The following B4GALT6 variants were observed in gnomAD, a reference collection of about 807,000 sequenced individuals.
B4GALT6 encodes the protein UDP-Gal:beta-GlcNAc beta-1,4-galactosyltransferase 6.
In B4GALT6, 14 loss-of-function variants were observed where a neutral mutation model predicts 46.3. That is an observed-to-expected ratio of 0.30 (90% CI 0.20 to 0.47). The LOEUF (loss-of-function observed/expected upper bound fraction) is 0.47, where lower values mean the gene tolerates loss of function less well. Among genes scored for constraint, B4GALT6 ranks in the 20% least tolerant of loss-of-function variants. B4GALT6 has a pLI of 0.99. For missense variants in B4GALT6, 386 were observed against 480.1 expected (o/e 0.80, Z 1.83); for synonymous variants, 168 against 162.0 (o/e 1.04, Z -0.28).
chr18:31,637,259 C>T (rs572590936), intron 5 of B4GALT6, among the ~76,000 whole-genome samples: 23 of 99,228 alleles, frequency 2.3e-4, no homozygotes, highest in African/African-American at 1.7e-3. Context: ...AGAAACAAAA[C>T]GAATAAGCTT....
At chr18:31,689,327 G>A (rs1472332793), upstream of B4GALT6, among the ~76,000 whole-genome samples, 1 of 152,138 alleles carries the variant, frequency 6.6e-6, no homozygotes, top group Admixed American at 6.6e-5. Context: ...AAACTATGGG[G>A]GTGGAAGGTG....
chr18:31,720,793 C>T, the B4GALT6 span, among the ~76,000 whole-genome samples: 2 of 152,204 alleles, frequency 1.3e-5, no homozygotes, highest in Admixed American at 6.5e-5. Context: ...AGCTAAATAA[C>T]AAACAGAAAG....
At chr18:31,685,307 G>A (rs1423427297), upstream of B4GALT6, among the ~76,000 whole-genome samples, 1 of 150,194 alleles carries the variant, frequency 6.7e-6, no homozygotes, top group Non-Finnish European at 1.5e-5. Context: ...CGCGCTGCGG[G>A]CAGAGCCGGG....
At chr18:31,709,553 A>ATGTGTG in the B4GALT6 span, among the ~76,000 whole-genome samples, 417 of 126,784 alleles carry the variant, frequency 3.3e-3, 2 homozygotes, top group African/African-American at 6.9e-3. Context: ...TAGGATATAT[A>ATGTGTG]TGTGTGTGTG....
chr18:31,672,564 G>A (rs180732358), intron 1 of B4GALT6, among the ~76,000 whole-genome samples: 43 of 152,210 alleles, frequency 2.8e-4, no homozygotes, highest in Admixed American at 2.8e-3. Flanking sequence ...AAGAGGGAGA[G>A]GTAAACCACG....
chr18:31,706,136 C>T, the B4GALT6 span, among the ~76,000 whole-genome samples: 1 of 151,848 alleles, frequency 6.6e-6, no homozygotes, highest in South Asian at 2.1e-4. Context: ...ATCCCTCCAA[C>T]ATTATAAGAA....
chr18:31,635,899 A>G (rs1439053775), intron 5 of B4GALT6, among the ~76,000 whole-genome samples: 1 of 152,224 alleles, frequency 6.6e-6, no homozygotes, highest in Non-Finnish European at 1.5e-5. Flanking sequence ...AACTTTGTCT[A>G]TCATTTATAC....
chr18:31,724,191 G>T, the B4GALT6 span: 2 of 258,500 alleles, frequency 7.7e-6, no homozygotes, highest in South Asian at 4.4e-5. Flanking sequence ...TGGGGCGCGC[G>T]GTTGCCAGGG....
intron 2 of B4GALT6, among the ~76,000 whole-genome samples, chr18:31,662,477 TATAA>T (rs1333414352): frequency 1.3e-5 from 2 of 152,236 alleles, no homozygotes; most frequent in African/African-American, 2.4e-5. Context: ...AGGAACATAC[TATAA>T]ATAAACACCT....
At chr18:31,649,280 T>C (rs1249238745) in intron 3 of B4GALT6, among the ~76,000 whole-genome samples, 10 of 151,528 alleles carry the variant, frequency 6.6e-5, no homozygotes, top group African/African-American at 2.4e-4. Context: ...TCAAGTTTTC[T>C]TGAAGCAACC....
the B4GALT6 span, among the ~76,000 whole-genome samples, chr18:31,694,693 G>T: frequency 6.6e-6 from 1 of 152,172 alleles, no homozygotes; most frequent in Non-Finnish European, 1.5e-5. Context: ...GATATAAGTT[G>T]TCTTAAAATA....
chr18:31,677,095 T>C (rs2074423088), intron 1 of B4GALT6, among the ~76,000 whole-genome samples: 1 of 152,136 alleles, frequency 6.6e-6, no homozygotes, highest in South Asian at 2.1e-4. Context: ...AACAATTTGG[T>C]GAAGCCAAAG....
At chr18:31,667,920 C>A (rs561885870) in intron 1 of B4GALT6, among the ~76,000 whole-genome samples, 1 of 151,864 alleles carries the variant, frequency 6.6e-6, no homozygotes, top group East Asian at 1.9e-4. Flanking sequence ...CATGGTGAAA[C>A]CCCATCTCTA....
Position 31,653,040 on chromosome 18 carries a change from A to C in B4GALT6, c.346+4936T>G, listed in dbSNP as rs527938676. Among the ~76,000 whole-genome samples, 11 of 146,820 alleles carry C rather than the reference A, an allele frequency of 7.5e-5. No homozygotes were observed. In the South Asian group the frequency reaches 2.2e-3, roughly 29 times the overall value. ...TTTTGCTTTTTTTTTTTTTGCCCCTAGACCCTTTGAAAATCATGCACTGTC... is the reference window on the plus strand; with the variant it reads ...TTTTGCTTTTTTTTTTTTTGCCCCTCGACCCTTTGAAAATCATGCACTGTC... On this transcript the variant is annotated intron_variant, in intron 3 of 8. Coordinates refer to ENST00000306851, the MANE Select transcript of B4GALT6 (RefSeq NM_004775.5).
At chr18:31,685,441 G>A (rs1001708642), upstream of B4GALT6, among the ~76,000 whole-genome samples, 14 of 151,510 alleles carry the variant, frequency 9.2e-5, no homozygotes, top group African/African-American at 3.1e-4. Context: ...CGAGACCCCT[G>A]CGCGCTTCGC....
chr18:31,638,442 G>A (rs941376806), intron 5 of B4GALT6, among the ~76,000 whole-genome samples: 6 of 152,130 alleles, frequency 3.9e-5, no homozygotes, highest in Admixed American at 2.0e-4. Flanking sequence ...CAGGAGAATG[G>A]CGTGAACCTG....
intron 1 of B4GALT6, among the ~76,000 whole-genome samples, chr18:31,678,168 T>G (rs1186936943): frequency 6.6e-6 from 1 of 152,072 alleles, no homozygotes; most frequent in Non-Finnish European, 1.5e-5. Context: ...TTTAAGGGAA[T>G]CCAAGAGGTC....
In B4GALT6 at chr18:31,624,878, A is replaced by G. The variant is rs1471141442; in HGVS notation, c.*736T>C. 6.6e-6 allele frequency: 1 copy of G among 152,612 alleles called. No homozygotes were observed. The highest frequency in any genetic ancestry group is 1.5e-5 in the Non-Finnish European group (1 of 68,028). The allele number at this position is 152,612 out of a possible 1,614,324, so 9.5% of individuals were successfully genotyped here. A position where few individuals can be genotyped will look rare whatever the true frequency, so the allele number is the denominator to read the frequency against. On this transcript the variant is annotated 3_prime_UTR_variant, in exon 9 of 9. Coordinates refer to ENST00000306851, the MANE Select transcript of B4GALT6 (RefSeq NM_004775.5). Reference sequence around the variant, plus strand: ...GATTTTTCTTGGTAATACTCATGCAATATGCATAAACAATATGGTTGTGAT... The same window carrying G: ...GATTTTTCTTGGTAATACTCATGCAGTATGCATAAACAATATGGTTGTGAT...
intron 1 of B4GALT6, among the ~76,000 whole-genome samples, chr18:31,675,501 T>C (rs1004085949): frequency 6.6e-6 from 1 of 152,256 alleles, no homozygotes; most frequent in African/African-American, 2.4e-5. Flanking sequence ...ACTCTGAACC[T>C]AGTGATATGA....
Sources: gnomAD v4.1 joint callset for allele counts (sites outside exome capture counted in the v4.1 genomes callset) on GRCh38, gnomAD v4.1.1 for gene constraint, MANE v1.5 for transcripts, NCBI Gene and HGNC (gene_info 2026-07-23, HGNC 2026-07-21) for gene names.